The following TMEM132C variants were observed in gnomAD, a reference collection of about 807,000 sequenced individuals.
TMEM132C encodes protein phosphatase 1, regulatory subunit 152.
In TMEM132C, 29 loss-of-function variants were observed where a neutral mutation model predicts 61.4. That is an observed-to-expected ratio of 0.47 (90% CI 0.35 to 0.64). The LOEUF (loss-of-function observed/expected upper bound fraction) is 0.64, where lower values mean the gene tolerates loss of function less well. Among genes scored for constraint, TMEM132C ranks in the 30% least tolerant of loss-of-function variants. The pLI is 0.00. For synonymous variants in TMEM132C, 656 were observed against 633.1 expected (o/e 1.04, Z -0.54); for missense variants, 1,408 against 1,476.9 (o/e 0.95, Z 0.76).
intron 1 of TMEM132C, among the ~76,000 whole-genome samples, chr12:128,377,802 G>A (rs1178747625): frequency 2.6e-5 from 4 of 152,196 alleles, no homozygotes; most frequent in East Asian, 1.9e-4. Flanking sequence ...GTGAATAGTC[G>A]ACTTGTAGAT....
At chr12:128,432,076 C>A (rs1196620940) in intron 2 of TMEM132C, among the ~76,000 whole-genome samples, 1 of 152,212 alleles carries the variant, frequency 6.6e-6, no homozygotes, top group Non-Finnish European at 1.5e-5. Context: ...TTTAGGCCCA[C>A]TGTTGAGACC....
At chr12:128,675,838 A>AT (rs1555242340) in intron 5 of TMEM132C, among the ~76,000 whole-genome samples, 72 of 143,124 alleles carry the variant, frequency 5.0e-4, no homozygotes, top group Admixed American at 9.8e-4. Flanking sequence ...AGATAGATAG[A>AT]AGATAGATAG....
At chr12:128,506,716 G>A (rs1395431575) in intron 2 of TMEM132C, among the ~76,000 whole-genome samples, 2 of 152,140 alleles carry the variant, frequency 1.3e-5, no homozygotes, top group Non-Finnish European at 2.9e-5. Flanking sequence ...CCATCCCAGT[G>A]GCTCCCATGC....
At chr12:128,391,627 A>C (rs1360175705) in intron 1 of TMEM132C, among the ~76,000 whole-genome samples, 1 of 152,246 alleles carries the variant, frequency 6.6e-6, no homozygotes, top group East Asian at 1.9e-4. Flanking sequence ...CTTATGAACT[A>C]TCCATCATGA....
At chr12:128,456,488 C>G (rs1364780438) in intron 2 of TMEM132C, among the ~76,000 whole-genome samples, 2 of 137,182 alleles carry the variant, frequency 1.5e-5, no homozygotes, top group Non-Finnish European at 3.1e-5. Flanking sequence ...CTCACTGCAG[C>G]CTCAATGTCC....
intron 5 of TMEM132C, among the ~76,000 whole-genome samples, chr12:128,683,601 G>T (rs973097349): frequency 2.6e-5 from 4 of 152,154 alleles, no homozygotes; most frequent in African/African-American, 9.7e-5. Flanking sequence ...CTGTAAAATG[G>T]TTTGTGTGAA....
rs558471651 is a variant in TMEM132C, at chr12:128,320,692, G to T, written c.85+53205G>T. Among the ~76,000 whole-genome samples the T allele has an allele frequency of 3.3e-5, 5 of 152,050 alleles. No individual in the cohort carries two copies. The East Asian group carries it at 9.7e-4, about 29-fold the overall frequency. On this transcript the variant is annotated intron_variant, in intron 1 of 8. Coordinates refer to ENST00000435159, the MANE Select transcript of TMEM132C (RefSeq NM_001136103.3). ...GGAGGCTGAGGTGGAAGGATCACTT[G>T]CACCTGGGAGATAAGAGGTCAAGGC...
At chr12:128,611,217 A>G (rs981434612) in intron 3 of TMEM132C, among the ~76,000 whole-genome samples, 2 of 152,128 alleles carry the variant, frequency 1.3e-5, no homozygotes, top group Admixed American at 1.3e-4. Context: ...TTTGAAGCCC[A>G]CAACGTGATT....
chr12:128,615,548 C>T (rs867281392), intron 3 of TMEM132C, among the ~76,000 whole-genome samples: 2 of 152,156 alleles, frequency 1.3e-5, no homozygotes, highest in Admixed American at 1.3e-4. Flanking sequence ...CACACAACCT[C>T]GATCCCTTAC....
chr12:128,394,694 A>G lies in TMEM132C; in HGVS notation c.86-20038A>G, dbSNP rs148811676. 4.1e-3 allele frequency among the ~76,000 whole-genome samples: 626 copies of G among 152,330 alleles called. 3 individuals carry two copies. Among genetic ancestry groups the G allele is most frequent in the African/African-American group, 0.015 (604 of 41,562 alleles). On this transcript the variant is annotated intron_variant, in intron 1 of 8. Transcript: ENST00000435159. The stretch of plus-strand genomic sequence containing the variant: ...GAAGATAGATATTTAAGAATAGCAA[A>G]GAACAAGTAGGGAAAAAATAAGAAA...
At chr12:128,362,276 G>T (rs980656806) in intron 1 of TMEM132C, among the ~76,000 whole-genome samples, 2 of 152,056 alleles carry the variant, frequency 1.3e-5, no homozygotes, top group Non-Finnish European at 2.9e-5. Context: ...ATGATCTGGA[G>T]ATGGGCTGCA....
At chr12:128,655,058 G>A (rs934249175) in intron 4 of TMEM132C, among the ~76,000 whole-genome samples, 7 of 152,126 alleles carry the variant, frequency 4.6e-5, no homozygotes, top group Non-Finnish European at 8.8e-5. Context: ...TTTTACTTTC[G>A]GCATCTCCTC....
intron 6 of TMEM132C, among the ~76,000 whole-genome samples, chr12:128,694,953 G>T (rs1954747740): frequency 6.6e-6 from 1 of 152,194 alleles, no homozygotes; most frequent in Non-Finnish European, 1.5e-5. Context: ...ACCTCTCTGT[G>T]CCTTAGTTTC....
chr12:128,578,142 C>T lies in TMEM132C; in HGVS notation c.1121+34039C>T, dbSNP rs561806465. Among the ~76,000 whole-genome samples the T allele has an allele frequency of 2.8e-4, 42 of 152,344 alleles. 1 individual carries two copies. In the South Asian group the frequency reaches 5.0e-3, roughly 18 times the overall value. ...GCAGTTAAATTCTTGGCCTTGGGCC[C>T]GCTTCCCTCCACGCCAGTGGAGCTG... On this transcript the variant is annotated intron_variant, in intron 3 of 8. Transcript: ENST00000435159.
intron 3 of TMEM132C, among the ~76,000 whole-genome samples, chr12:128,591,326 T>G (rs1448930564): frequency 6.6e-6 from 1 of 152,178 alleles, no homozygotes; most frequent in Non-Finnish European, 1.5e-5. Context: ...CTCTGTGGAT[T>G]TGCCTGTTCT....
rs1445849902 is a variant in TMEM132C at position 128,705,209 on chromosome 12, C to G, written c.2241C>G (p.Val747=). The part of the protein sequence containing the change: ...ATSQDEAVVS[V]PQPRSPRWPV... ...CCCAGGACGAGGCTGTCGTGTCAGTCCCCCAGCCCCGCTCTCCCAGGTGGC... is the reference window on the plus strand; with the variant it reads ...CCCAGGACGAGGCTGTCGTGTCAGTGCCCCAGCCCCGCTCTCCCAGGTGGC... Residue 747 remains valine (V), a synonymous_variant, in exon 9 of 9, where the codon GTC becomes GTG. Coordinates refer to ENST00000435159, the MANE Select transcript of TMEM132C (RefSeq NM_001136103.3). 1.3e-6 allele frequency: 2 copies of G among 1,551,676 alleles called. No homozygotes were observed. Among genetic ancestry groups the G allele is most frequent in the African/African-American group, 1.4e-5 (1 of 73,170 alleles).
intron 1 of TMEM132C, among the ~76,000 whole-genome samples, chr12:128,351,244 C>T (rs1212009887): frequency 6.6e-6 from 1 of 152,012 alleles, no homozygotes; most frequent in Non-Finnish European, 1.5e-5. Flanking sequence ...TTTTTAAAGG[C>T]TCACTCTGTG....
intron 3 of TMEM132C, among the ~76,000 whole-genome samples, chr12:128,546,666 T>C (rs1176544737): frequency 1.3e-5 from 2 of 152,112 alleles, no homozygotes; most frequent in Non-Finnish European, 2.9e-5. Context: ...GCACTGCAGA[T>C]GGTTAGACCC....
intron 1 of TMEM132C, among the ~76,000 whole-genome samples, chr12:128,400,889 T>G (rs377359554): frequency 9.2e-5 from 14 of 151,750 alleles, no homozygotes; most frequent in African/African-American, 2.9e-4. Context: ...TATTACAGGC[T>G]TAAGCCACCG....
Sources: allele counts gnomAD v4.1 joint callset (sites outside exome capture counted in the v4.1 genomes callset), GRCh38; gene constraint gnomAD v4.1.1; transcripts MANE v1.5; gene names NCBI Gene and HGNC (gene_info 2026-07-23, HGNC 2026-07-21).